Variants in ADAMTS17 observed in about 807,000 individuals in gnomAD.
The protein encoded by ADAMTS17 is ADAM metallopeptidase with thrombospondin type 1 motif 17, also known as A disintegrin and metalloproteinase with thrombospondin motifs 17.
ADAMTS17 carries 113 observed loss-of-function variants against 141.5 expected under a neutral mutation model. That is an observed-to-expected ratio of 0.80 (90% confidence interval 0.69 to 0.93). The LOEUF (loss-of-function observed/expected upper bound fraction) is 0.93, where lower values mean the gene tolerates loss of function less well. ADAMTS17 is among the 40% of genes least tolerant of loss of function. ADAMTS17 has a pLI of 0.00. For synonymous variants in ADAMTS17, 768 were observed against 630.6 expected (o/e 1.22, Z -3.27); for missense variants, 1,659 against 1,517.9 (o/e 1.09, Z -1.54).
intron 3 of ADAMTS17, among the ~76,000 whole-genome samples, chr15:100,312,836 C>T (rs1339758980): frequency 6.6e-6 from 1 of 151,530 alleles, no homozygotes; most frequent in African/African-American, 2.4e-5. Flanking sequence ...ACCAAAGGCC[C>T]TGTGACCTAG....
At chr15:100,064,151 G>C (rs2033345565) in intron 15 of ADAMTS17, among the ~76,000 whole-genome samples, 1 of 152,156 alleles carries the variant, frequency 6.6e-6, no homozygotes, top group African/African-American at 2.4e-5. Context: ...CATGCACATA[G>C]GGAGAATGTC....
intron 20 of ADAMTS17, chr15:99,979,117 G>A (rs1161519069): frequency 1.3e-5 from 2 of 152,300 alleles, no homozygotes; most frequent in Admixed American, 6.5e-5. Flanking sequence ...GAGGCCAGGT[G>A]CGGTGGCTCA....
At chr15:100,271,117 T>C (rs1021882186) in intron 4 of ADAMTS17, among the ~76,000 whole-genome samples, 5 of 152,198 alleles carry the variant, frequency 3.3e-5, no homozygotes, top group African/African-American at 1.2e-4. Flanking sequence ...ATTATACCTA[T>C]ACGCTATATT....
At chr15:100,200,461 C>T (rs1446982919) in intron 7 of ADAMTS17, among the ~76,000 whole-genome samples, 3 of 151,772 alleles carry the variant, frequency 2.0e-5, no homozygotes, top group African/African-American at 4.9e-5. Context: ...CAGTACTCCC[C>T]GCACCCAGGA....
At chr15:100,082,554 T>A (rs1189392920) in intron 15 of ADAMTS17, among the ~76,000 whole-genome samples, 2 of 151,872 alleles carry the variant, frequency 1.3e-5, no homozygotes, top group Admixed American at 1.3e-4. Flanking sequence ...TCTACCTGAT[T>A]TTTTTGTATT....
At chr15:100,140,754 C>G (rs60752137) in intron 10 of ADAMTS17, among the ~76,000 whole-genome samples, 5,272 of 151,994 alleles carry the variant, frequency 0.035, 179 homozygotes, top group African/African-American at 0.085. Flanking sequence ...ACCTCTCCAT[C>G]AGTCCCCAAT....
chr15:100,198,697 T>C (rs1360310074), intron 8 of ADAMTS17, among the ~76,000 whole-genome samples: 1 of 152,232 alleles, frequency 6.6e-6, no homozygotes, highest in African/African-American at 2.4e-5. Flanking sequence ...TGAGGCTTCC[T>C]ACAGATGGTC....
chr15:100,069,645 G>C (rs1308622166), intron 15 of ADAMTS17, among the ~76,000 whole-genome samples: 2 of 152,104 alleles, frequency 1.3e-5, no homozygotes, highest in African/African-American at 4.8e-5. Context: ...GCCAAACTAA[G>C]CTTCATAAGT....
intron 7 of ADAMTS17, among the ~76,000 whole-genome samples, chr15:100,248,733 C>T (rs2043061585): frequency 1.3e-5 from 2 of 152,154 alleles, no homozygotes; most frequent in Admixed American, 1.3e-4. Flanking sequence ...CTATCCTTCC[C>T]ATTCCAGCGA....
intron 7 of ADAMTS17, among the ~76,000 whole-genome samples, chr15:100,225,724 T>G (rs55680058): frequency 7.2e-6 from 1 of 138,274 alleles, no homozygotes; most frequent in African/African-American, 2.8e-5. Context: ...AGAGCAGTCA[T>G]GGTCTCTGTG....
intron 18 of ADAMTS17, among the ~76,000 whole-genome samples, chr15:100,015,929 G>C (rs780765381): frequency 1.6e-4 from 24 of 152,160 alleles, no homozygotes; most frequent in African/African-American, 5.6e-4. Flanking sequence ...CAAGGCTGGC[G>C]AAGTATTCCT....
At chr15:100,210,165 A>C (rs961595089) in intron 7 of ADAMTS17, among the ~76,000 whole-genome samples, 3 of 132,268 alleles carry the variant, frequency 2.3e-5, no homozygotes, top group African/African-American at 8.7e-5. Flanking sequence ...TGGGAGGAGG[A>C]GCTTGCAGTG....
In ADAMTS17 at chr15:99,974,479, G is replaced by A. The variant is rs773331594; in HGVS notation, c.3211C>T (p.Arg1071Trp). ...IREKNLCQDM[R>W]WYQRCCQTCR... Reference sequence around the variant, plus strand: ...GTCTGGCAGCAGCGCTGGTACCACCGCATGTCCTGGCAGAGGTTCTTTTCT... The same window carrying A: ...GTCTGGCAGCAGCGCTGGTACCACCACATGTCCTGGCAGAGGTTCTTTTCT... The change falls in exon 22 of 22, where the codon CGG becomes TGG. Residue 1071 changes from arginine to tryptophan, a missense_variant. Physicochemically the swap from Arg to Trp is moderately radical, Grantham distance 101 (BLOSUM62 -3). Transcript: ENST00000268070. The A allele has an allele frequency of 2.9e-5, 47 of 1,614,224 alleles. No homozygotes were observed. The highest frequency in any genetic ancestry group is 1.1e-4 in the East Asian group (5 of 44,872).
intron 7 of ADAMTS17, among the ~76,000 whole-genome samples, chr15:100,220,376 C>T (rs1489896603): frequency 6.6e-6 from 1 of 151,710 alleles, no homozygotes; most frequent in Non-Finnish European, 1.5e-5. Context: ...TTCTTCTTTC[C>T]CCCGAACGCT....
At chr15:99,995,498 C>G (rs1415093654) in intron 19 of ADAMTS17, among the ~76,000 whole-genome samples, 2 of 152,204 alleles carry the variant, frequency 1.3e-5, no homozygotes, top group African/African-American at 2.4e-5. Flanking sequence ...CCTTCGGTCT[C>G]TCTCTTTGCT....
chr15:100,251,497 G>A lies in ADAMTS17; in HGVS notation c.1075+2639C>T, dbSNP rs534266200. Among the ~76,000 whole-genome samples the A allele has an allele frequency of 3.2e-3, 494 of 152,278 alleles. 2 individuals carry two copies. The highest frequency in any genetic ancestry group is 5.4e-3 in the Non-Finnish European group (368 of 68,018). On this transcript the variant is annotated intron_variant, in intron 7 of 21. Coordinates refer to ENST00000268070, the MANE Select transcript of ADAMTS17 (RefSeq NM_139057.4). The stretch of plus-strand genomic sequence containing the variant: ...TCCCAGCACTCTGGGAGGCCGAGGC[G>A]GATGGATCATGAGATCAGCAGATCG...
At chr15:100,025,147 C>A (rs2061482622) in intron 18 of ADAMTS17, among the ~76,000 whole-genome samples, 1 of 152,134 alleles carries the variant, frequency 6.6e-6, no homozygotes, top group Non-Finnish European at 1.5e-5. Context: ...TTATTTGAAG[C>A]ATAAATATTC....
intron 7 of ADAMTS17, among the ~76,000 whole-genome samples, chr15:100,225,389 C>T (rs1004077107): frequency 5.3e-5 from 8 of 152,246 alleles, no homozygotes; most frequent in African/African-American, 9.6e-5. Flanking sequence ...GGAGCTTCCC[C>T]GATGGTTCAG....
At chr15:100,156,306 G>A (rs932435056) in intron 8 of ADAMTS17, among the ~76,000 whole-genome samples, 1 of 152,130 alleles carries the variant, frequency 6.6e-6, no homozygotes, top group Non-Finnish European at 1.5e-5. Context: ...CCTAATGGTG[G>A]TGTCTCCCCA....
Sources: gnomAD v4.1 joint callset for allele counts (sites outside exome capture counted in the v4.1 genomes callset) on GRCh38, gnomAD v4.1.1 for gene constraint, MANE v1.5 for transcripts, NCBI Gene and HGNC (gene_info 2026-07-23, HGNC 2026-07-21) for gene names.